Variants in CBFB observed in about 807,000 individuals in gnomAD.
The protein encoded by CBFB is CBF-beta.
A neutral mutation model predicts 30.4 loss-of-function variants in CBFB; 9 were observed. That is an observed-to-expected ratio of 0.30 (90% confidence interval 0.18 to 0.52). CBFB has a LOEUF of 0.52. CBFB is among the 20% of genes least tolerant of loss of function. CBFB has a pLI of 0.97. For synonymous variants in CBFB, 94 were observed against 84.0 expected (o/e 1.12, Z -0.65); for missense variants, 170 against 244.0 (o/e 0.70, Z 2.02).
intron 3 of CBFB, among the ~76,000 whole-genome samples, chr16:67,063,928 T>G (rs895249264): frequency 6.6e-6 from 1 of 152,152 alleles, no homozygotes; most frequent in African/African-American, 2.4e-5. Context: ...TGAGAAACTG[T>G]TTTACAGATT....
chr16:67,088,897 A>G (rs1346907153), intron 5 of CBFB, among the ~76,000 whole-genome samples: 1 of 152,218 alleles, frequency 6.6e-6, no homozygotes, highest in East Asian at 1.9e-4. Context: ...TAAGGGGGGA[A>G]GCAGAACTCC....
At chr16:67,043,034 T>G in intron 3 of CBFB, among the ~76,000 whole-genome samples, 1 of 152,196 alleles carries the variant, frequency 6.6e-6, no homozygotes, top group Non-Finnish European at 1.5e-5. Flanking sequence ...CTGCGCCTGG[T>G]CCACCATGCC....
At chr16:67,070,960 A>C (rs546337178) in intron 4 of CBFB, among the ~76,000 whole-genome samples, 2 of 152,246 alleles carry the variant, frequency 1.3e-5, no homozygotes, top group Non-Finnish European at 2.9e-5. Flanking sequence ...ATAGTCCCCA[A>C]ATTGAACTAT....
intron 3 of CBFB, among the ~76,000 whole-genome samples, chr16:67,061,259 A>C (rs1960903199): frequency 1.3e-5 from 2 of 152,196 alleles, no homozygotes; most frequent in African/African-American, 4.8e-5. Flanking sequence ...CATATTTGTG[A>C]TATTTTACTT....
chr16:67,069,338 C>T (rs376207879), intron 4 of CBFB, among the ~76,000 whole-genome samples: 1 of 151,794 alleles, frequency 6.6e-6, no homozygotes, highest in Non-Finnish European at 1.5e-5. Context: ...TCACTGCACT[C>T]CAGCCTGGGC....
intron 3 of CBFB, among the ~76,000 whole-genome samples, chr16:67,064,356 G>A (rs1159966981): frequency 2.0e-5 from 3 of 152,078 alleles, no homozygotes; most frequent in African/African-American, 7.2e-5. Flanking sequence ...ACAGGCACCC[G>A]CCACCATGCC....
chr16:67,058,160 A>G (rs963228121), intron 3 of CBFB, among the ~76,000 whole-genome samples: 1 of 145,350 alleles, frequency 6.9e-6, no homozygotes, highest in Admixed American at 6.7e-5. Context: ...GTTGTTGTTG[A>G]GATGGAGTCT....
At chr16:67,047,699 T>C (rs1040929404) in intron 3 of CBFB, among the ~76,000 whole-genome samples, 3 of 152,180 alleles carry the variant, frequency 2.0e-5, no homozygotes, top group Non-Finnish European at 2.9e-5. Context: ...ATTTTTTTTT[T>C]AGGATATTTA....
chr16:67,029,606 C>T (rs748837467), intron 1 of CBFB, 121 bp downstream of exon 1: 2 of 1,313,252 alleles, frequency 1.5e-6, no homozygotes, highest in South Asian at 2.7e-5. Flanking sequence ...GAGGGGCAAT[C>T]TCGCCGGGGC....
chr16:67,037,666 A>ATTTTTTTTTTTTTTTTTTTT (rs35804914), intron 3 of CBFB, among the ~76,000 whole-genome samples: 2 of 129,288 alleles, frequency 1.5e-5, no homozygotes, highest in African/African-American at 6.2e-5. Context: ...GATTTTGGTA[A>ATTTTTTTTTTTTTTTTTTTT]TTTTTTTTTT....
Position 67,055,464 on chromosome 16 carries a change from C to T in CBFB, c.283-11218C>T, listed in dbSNP as rs560653302. 2.0e-4 allele frequency among the ~76,000 whole-genome samples: 29 copies of T among 145,158 alleles called. No individual in the cohort carries two copies. In the South Asian group the frequency reaches 6.4e-3, roughly 32 times the overall value. ...CACTGCAAGCTCCGCCTCCCGGGTTCACGCCATTCTCCTGCCTCAGCCTAC... is the reference window on the plus strand; with the variant it reads ...CACTGCAAGCTCCGCCTCCCGGGTTTACGCCATTCTCCTGCCTCAGCCTAC... On this transcript the variant is annotated intron_variant, in intron 3 of 5. Coordinates refer to ENST00000412916, the MANE Select transcript of CBFB (RefSeq NM_022845.3).
At chr16:67,065,480 A>G (rs1437172899) in intron 3 of CBFB, among the ~76,000 whole-genome samples, 1 of 152,246 alleles carries the variant, frequency 6.6e-6, no homozygotes, top group Non-Finnish European at 1.5e-5. Context: ...TGTGTAAGGA[A>G]TAAACACATT....
chr16:67,037,402 T>C (rs1296256545), intron 3 of CBFB, among the ~76,000 whole-genome samples: 2 of 152,116 alleles, frequency 1.3e-5, no homozygotes, highest in Non-Finnish European at 2.9e-5. Flanking sequence ...GGAAAAAAGC[T>C]CTCTAGGTTT....
At chr16:67,046,554 TGTA>T (rs1390992086) in intron 3 of CBFB, among the ~76,000 whole-genome samples, 1 of 152,230 alleles carries the variant, frequency 6.6e-6, no homozygotes, top group Non-Finnish European at 1.5e-5. Context: ...ATAATTTACA[TGTA>T]GTACAGTTCA....
intron 3 of CBFB, among the ~76,000 whole-genome samples, chr16:67,056,985 C>T (rs150858688): frequency 4.4e-4 from 67 of 151,842 alleles, no homozygotes; most frequent in African/African-American, 1.5e-3. Context: ...CGGCCTCTAG[C>T]AGGCTTTTTA....
chr16:67,059,338 AT>A (rs1960823002), intron 3 of CBFB, among the ~76,000 whole-genome samples: 1 of 152,196 alleles, frequency 6.6e-6, no homozygotes, highest in African/African-American at 2.4e-5. Context: ...AAAGAAGAAC[AT>A]TTACCATCTC....
At chr16:67,072,250 A>C (rs956764213) in intron 4 of CBFB, among the ~76,000 whole-genome samples, 11 of 152,176 alleles carry the variant, frequency 7.2e-5, no homozygotes, top group Non-Finnish European at 1.5e-4. Context: ...CATTCAAAAA[A>C]CATTTTTAAA....
intron 3 of CBFB, among the ~76,000 whole-genome samples, chr16:67,054,650 G>A (rs1418973429): frequency 1.3e-5 from 2 of 152,036 alleles, no homozygotes; most frequent in Non-Finnish European, 2.9e-5. Flanking sequence ...TTTTCTTACT[G>A]TCTCTTTTGT....
At chr16:67,069,209 C>A (rs563749946) in intron 4 of CBFB, among the ~76,000 whole-genome samples, 1 of 150,978 alleles carries the variant, frequency 6.6e-6, no homozygotes, top group Admixed American at 6.6e-5. Context: ...AGCGAAACTC[C>A]ATCTCAAAAA....
Sources: gnomAD v4.1 joint callset for allele counts (sites outside exome capture counted in the v4.1 genomes callset) on GRCh38, gnomAD v4.1.1 for gene constraint, MANE v1.5 for transcripts, NCBI Gene and HGNC (gene_info 2026-07-23, HGNC 2026-07-21) for gene names.